MYO3B: variants seen among roughly 807,000 people sequenced by gnomAD.
The protein encoded by MYO3B is myosin IIIB.
MYO3B carries 156 observed loss-of-function variants against 174.6 expected under a neutral mutation model. That is an observed-to-expected ratio of 0.89 (90% confidence interval 0.78 to 1.02). The LOEUF is 1.02. MYO3B is among the 50% of genes least tolerant of loss of function. The pLI is 0.00. For missense variants in MYO3B, 1,632 were observed against 1,639.4 expected, an observed-to-expected ratio of 1.00 and a Z score of 0.08; for synonymous variants, 563 against 569.1, an observed-to-expected ratio of 0.99 and a Z score of 0.15.
chr2:170,491,500 A>T (rs1686470116), intron 25 of MYO3B, among the ~76,000 whole-genome samples: 1 of 152,028 alleles, frequency 6.6e-6, no homozygotes, highest in Non-Finnish European at 1.5e-5. Flanking sequence ...ATCTCTGCTC[A>T]CTGCAAGCTC....
chr2:170,646,791 T>C (rs1575334847), intron 32 of MYO3B: 3 of 556,060 alleles, frequency 5.4e-6, no homozygotes, highest in East Asian at 6.1e-5. Context: ...TTTAACCTTA[T>C]GGTGTATGAA....
chr2:170,576,429 G>A (rs145996731), intron 32 of MYO3B, among the ~76,000 whole-genome samples: 46 of 152,304 alleles, frequency 3.0e-4, no homozygotes, highest in Middle Eastern at 3.4e-3. Context: ...TGTGGTGACC[G>A]TGGTAGGAAC....
intron 30 of MYO3B, among the ~76,000 whole-genome samples, chr2:170,527,058 C>T (rs569428882): frequency 2.6e-4 from 39 of 152,286 alleles, no homozygotes; most frequent in African/African-American, 8.7e-4. Context: ...CTTGCCAGTC[C>T]TGTCTTTACC....
chr2:170,225,482 A>G (rs111455739), intron 6 of MYO3B, among the ~76,000 whole-genome samples: 2,496 of 152,358 alleles, frequency 0.016, 34 homozygotes, highest in African/African-American at 0.036. Flanking sequence ...GGAAAATGTA[A>G]TATTTCAATC....
chr2:170,444,285 C>A (rs2094824384), intron 23 of MYO3B, among the ~76,000 whole-genome samples: 1 of 152,142 alleles, frequency 6.6e-6, no homozygotes, highest in Non-Finnish European at 1.5e-5. Context: ...AAAATAAAGT[C>A]TAAGAAAAGA....
intron 32 of MYO3B, among the ~76,000 whole-genome samples, chr2:170,604,385 G>A (rs909980011): frequency 6.6e-6 from 1 of 152,128 alleles, no homozygotes; most frequent in Admixed American, 6.5e-5. Flanking sequence ...GGGTTCTGGG[G>A]AGGACTTATT....
At chr2:170,602,752 G>A (rs1193717011) in intron 32 of MYO3B, among the ~76,000 whole-genome samples, 1 of 152,080 alleles carries the variant, frequency 6.6e-6, no homozygotes, top group African/African-American at 2.4e-5. Flanking sequence ...CAGAGCCCAT[G>A]GGATAAAAGA....
intron 32 of MYO3B, among the ~76,000 whole-genome samples, chr2:170,597,338 A>G (rs2106335260): frequency 6.7e-6 from 1 of 150,372 alleles, no homozygotes; most frequent in South Asian, 2.2e-4. Context: ...ACTGCACTCC[A>G]GCTTGAGCAA....
At position 170,223,936 on chromosome 2, in the gene MYO3B, G is replaced by T. The variant is rs930911186; in HGVS notation, c.603+6541G>T. 3.3e-5 allele frequency among the ~76,000 whole-genome samples: 5 copies of T among 152,286 alleles called. No homozygotes were observed. The South Asian group carries it at 1.0e-3, about 32-fold the overall frequency. On this transcript the variant is annotated intron_variant, in intron 6 of 34. Transcript: ENST00000408978. ...AAACTATTCATTCTGGATGGTAAAT[G>T]GCTGCCATCCAGAGCCCCTTGAGTG...
At position 170,319,394 on chromosome 2, in the gene MYO3B, T is replaced by C. The variant is rs189167475; in HGVS notation, c.750-15991T>C. Among the ~76,000 whole-genome samples, 501 of 152,254 alleles carry C rather than the reference T, an allele frequency of 3.3e-3. 5 individuals carry two copies. The highest frequency in any genetic ancestry group is 8.1e-3 in the Admixed American group (124 of 15,278). On this transcript the variant is annotated intron_variant, in intron 7 of 34. Coordinates refer to ENST00000408978, the MANE Select transcript of MYO3B (RefSeq NM_138995.5). ...GTATAATTGTTGAAATGAAAAAAAT[T>C]AATTATGGATCTCATCAGATTTGAG... is the stretch of plus-strand genomic sequence containing the variant.
At chr2:170,229,317 T>G (rs1424659) in intron 6 of MYO3B, among the ~76,000 whole-genome samples, 2 of 152,084 alleles carry the variant, frequency 1.3e-5, no homozygotes, top group Non-Finnish European at 2.9e-5. Flanking sequence ...CAAGGATTAA[T>G]AGCTTTAGGT....
intron 32 of MYO3B, among the ~76,000 whole-genome samples, chr2:170,637,147 C>T (rs1383199164): frequency 1.4e-5 from 2 of 147,070 alleles, no homozygotes; most frequent in Non-Finnish European, 3.0e-5. Flanking sequence ...CTATACTGAT[C>T]AGGTAGGTCA....
chr2:170,405,468 A>G, intron 20 of MYO3B, 77 bp from the exon 21 acceptor site: 1 of 1,395,234 alleles, frequency 7.2e-7, no homozygotes, highest in Non-Finnish European at 1.0e-6. Context: ...TGAGTCATTC[A>G]TGGCTTGAGG....
chr2:170,501,098 A>G (rs947892312), intron 27 of MYO3B, among the ~76,000 whole-genome samples: 1 of 152,166 alleles, frequency 6.6e-6, no homozygotes, highest in East Asian at 1.9e-4. Context: ...GAACAAAGAC[A>G]TTATGCTCCT....
intron 32 of MYO3B, among the ~76,000 whole-genome samples, chr2:170,579,664 G>A (rs1209580755): frequency 1.3e-5 from 2 of 152,226 alleles, no homozygotes; most frequent in Non-Finnish European, 2.9e-5. Flanking sequence ...GCCATTGTCA[G>A]GGAAGCAGCC....
At chr2:170,629,021 C>A (rs370795055) in intron 32 of MYO3B, among the ~76,000 whole-genome samples, 1 of 152,256 alleles carries the variant, frequency 6.6e-6, no homozygotes, top group East Asian at 1.9e-4. Flanking sequence ...TGAGCCCAAC[C>A]GAAGAACGTT....
chr2:170,629,518 A>G (rs1209387329), intron 32 of MYO3B, among the ~76,000 whole-genome samples: 3 of 152,198 alleles, frequency 2.0e-5, no homozygotes, highest in Non-Finnish European at 4.4e-5. Flanking sequence ...TACCTTTTTT[A>G]TATCAGAACT....
chr2:170,197,695 C>A (rs550361641), intron 1 of MYO3B, among the ~76,000 whole-genome samples: 2 of 149,236 alleles, frequency 1.3e-5, no homozygotes, highest in East Asian at 1.9e-4. Flanking sequence ...AAATTCGGAA[C>A]CTCCAGAGCA....
chr2:170,519,623 A>G (rs1688538882), intron 30 of MYO3B, 83 bp downstream of exon 30: 4 of 1,141,134 alleles, frequency 3.5e-6, no homozygotes, highest in Non-Finnish European at 3.9e-6. Flanking sequence ...TGGATAATGC[A>G]ACAAGTATTT....
Sources: gnomAD v4.1 joint callset for allele counts (sites outside exome capture counted in the v4.1 genomes callset) on GRCh38, gnomAD v4.1.1 for gene constraint, MANE v1.5 for transcripts, NCBI Gene and HGNC (gene_info 2026-07-23, HGNC 2026-07-21) for gene names.